Variants in GATA3 observed in about 807,000 individuals in gnomAD.
GATA3 encodes the protein GATA binding protein 3.
A neutral mutation model predicts 36.0 loss-of-function variants in GATA3; 6 were observed. That is an observed-to-expected ratio of 0.17 (90% confidence interval 0.09 to 0.33). The LOEUF (loss-of-function observed/expected upper bound fraction) is 0.33. Among genes scored for constraint, GATA3 ranks in the 10% least tolerant of loss-of-function variants. GATA3 has a pLI of 1.00. For missense variants in GATA3, 514 were observed against 610.1 expected (o/e 0.84, Z 1.66); for synonymous variants, 326 against 273.0 (o/e 1.19, Z -1.92).
At chr10:8,064,880 CT>C (rs1451774384) in intron 4 of GATA3, among the ~76,000 whole-genome samples, 1 of 152,152 alleles carries the variant, frequency 6.6e-6, no homozygotes, top group Non-Finnish European at 1.5e-5. Context: ...CTTTTAAAAA[CT>C]TTTTAAGCAT....
At position 8,046,647 on chromosome 10, in the gene GATA3, CAG is replaced by C. The variant is rs1491192730; in HGVS notation, c.-370+1133_-370+1134del. ...GATGCTTGGGGGCCCAAATGGCTGG[CAG>C]TGTGTGTGTGTGTGTGTGTGTGTGT... On this transcript the variant is annotated intron_variant, in intron 1 of 1. Transcript: ENST00000643001. 3.8e-4 allele frequency among the ~76,000 whole-genome samples: 36 copies of C among 94,058 alleles called. No homozygotes were observed. The East Asian group carries it at 7.2e-3, about 19-fold the overall frequency. The allele number at this position is 94,058 out of a possible 152,430, so 61.7% of individuals were successfully genotyped here. A position where few individuals can be genotyped will look rare whatever the true frequency, so the allele number is the denominator to read the frequency against.
At chr10:8,058,878 C>G (rs779268039) in intron 3 of GATA3, 37 bp downstream of exon 3, 7 of 1,586,680 alleles carry the variant, frequency 4.4e-6, no homozygotes, top group Non-Finnish European at 6.0e-6. Context: ...TTTTCTCCTC[C>G]CTCCTCCCCT....
intron 4 of GATA3, among the ~76,000 whole-genome samples, chr10:8,067,429 C>T (rs906483091): frequency 2.0e-5 from 3 of 152,192 alleles, no homozygotes; most frequent in Non-Finnish European, 4.4e-5. Context: ...AAGGGTCACT[C>T]AGGTTAATTC....
In GATA3 at chr10:8,074,863, T is replaced by C. The variant is rs1426939200; in HGVS notation, c.*840T>C. The C allele has an allele frequency of 1.3e-5, 3 of 233,674 alleles. No homozygotes were observed. The highest frequency in any genetic ancestry group is 5.6e-5 in the Admixed American group (1 of 17,790). 14.5% of individuals were successfully genotyped at this position (233,674 alleles called of 1,614,324 possible). A position where few individuals can be genotyped will look rare whatever the true frequency, so the allele number is the denominator to read the frequency against. On this transcript the variant is annotated 3_prime_UTR_variant, in exon 6 of 6. Coordinates refer to ENST00000379328, the MANE Select transcript of GATA3 (RefSeq NM_001002295.2). ...TTTTCCTTCTCTCTCAATTTTTGGT[T>C]GAATAAACTAGATTACATTCAGTTG...
At chr10:8,053,645 A>G (rs1008091759), upstream of GATA3, 1 of 150,996 alleles carries the variant, frequency 6.6e-6, no homozygotes, top group African/African-American at 2.4e-5. This position sits in a 1 kb window ranked among gnomAD's most constrained non-coding sequence, Gnocchi z 5.1. Flanking sequence ...CGGGGTGCCC[A>G]TTGCGCAGAG....
At chr10:8,058,170 A>G (rs1832674708) in intron 2 of GATA3, 135 bp from the exon 3 acceptor site, 1 of 930,380 alleles carries the variant, frequency 1.1e-6, no homozygotes, top group African/African-American at 1.6e-5. Context: ...CCAGGATGAG[A>G]GAGTGGGCCT....
At position 8,073,499 on chromosome 10, in the gene GATA3, G is replaced by A. The variant is rs918559749; in HGVS notation, c.1051-240G>A. Among the ~76,000 whole-genome samples the A allele has an allele frequency of 2.6e-5, 4 of 152,142 alleles. No homozygotes were observed. The South Asian group carries it at 6.2e-4, about 24-fold the overall frequency. ...AATAAGACAAGTGAATTCTATTTTC[G>A]TTACCAGAGAAATACAATCGTACTA... On this transcript the variant is annotated intron_variant, in intron 5 of 5. Transcript: ENST00000379328.
chr10:8,064,099 C>T lies in GATA3; in HGVS notation c.885C>T (p.Asn295=), dbSNP rs762872147. The change falls in exon 4 of 6, where the codon AAC becomes AAT. Residue 295 remains asparagine (N), a synonymous_variant. Transcript: ENST00000379328. ...CCTGCGGGCTCTATCACAAAATGAACGGACAGAACCGGCCCCTCATTAAGC... is the reference window on the plus strand; with the variant it reads ...CCTGCGGGCTCTATCACAAAATGAATGGACAGAACCGGCCCCTCATTAAGC... ...CNACGLYHKM[N]GQNRPLIKPK... 1.9e-5 allele frequency: 31 copies of T among 1,614,076 alleles called. No individual in the cohort carries two copies. The highest frequency in any genetic ancestry group is 8.8e-5 in the South Asian group (8 of 91,076).
chr10:8,050,212 C>T (rs1267712780), upstream of GATA3, among the ~76,000 whole-genome samples: 1 of 152,236 alleles, frequency 6.6e-6, no homozygotes, highest in Admixed American at 6.5e-5. Context: ...CGCAGGGAAT[C>T]GAATTAAACG....
rs1057224721 is a variant in GATA3, at chr10:8,072,615, G to A, written c.1051-1124G>A. Among the ~76,000 whole-genome samples the A allele has an allele frequency of 8.5e-5, 13 of 152,332 alleles. 1 individual carries two copies. The South Asian group carries it at 1.2e-3, about 15-fold the overall frequency. On this transcript the variant is annotated intron_variant, in intron 5 of 5. Coordinates refer to ENST00000379328, the MANE Select transcript of GATA3 (RefSeq NM_001002295.2). ...GAAGAGAGAAATGGCAGATGTCTCCGAGACTGAAGTCTCTTGATCTTGAGA... is the reference window on the plus strand; with the variant it reads ...GAAGAGAGAAATGGCAGATGTCTCCAAGACTGAAGTCTCTTGATCTTGAGA...
Position 8,074,263 on chromosome 10 carries a change from G to A in GATA3, c.*240G>A. On this transcript the variant is annotated 3_prime_UTR_variant, in exon 6 of 6. Coordinates refer to ENST00000379328, the MANE Select transcript of GATA3 (RefSeq NM_001002295.2). ...CTGACTCATATCCCCTATTTAACAG[G>A]GTCTCTAGTGCTGTGAAAAAAAAAA... is the stretch of plus-strand genomic sequence containing the variant. The A allele has an allele frequency of 3.7e-6, 2 of 540,002 alleles. No homozygotes were observed. Among genetic ancestry groups the A allele is most frequent in the Non-Finnish European group, 3.2e-6 (1 of 310,906 alleles). The allele number at this position is 540,002 out of a possible 1,614,324, so 33.5% of individuals were successfully genotyped here.
chr10:8,065,424 A>G (rs1832820945), intron 4 of GATA3, among the ~76,000 whole-genome samples: 1 of 151,334 alleles, frequency 6.6e-6, no homozygotes, highest in Non-Finnish European at 1.5e-5. Context: ...CACCCGGCAA[A>G]TTTTTGTATT....
rs756535371 is a variant in GATA3 at position 8,073,750 on chromosome 10, C to T, written c.1062C>T (p.Pro354=). The T allele has an allele frequency of 3.7e-6, 6 of 1,613,474 alleles. No individual in the cohort carries two copies. The highest frequency in any genetic ancestry group is 1.3e-5 in the African/African-American group (1 of 74,830). Residue 354 remains proline (P), a synonymous_variant, in exon 6 of 6, where the codon CCC becomes CCT. Coordinates refer to ENST00000379328, the MANE Select transcript of GATA3 (RefSeq NM_001002295.2). ...TGATCTTTGTTTAGATTAACAGACC[C>T]CTGACTATGAAGAAGGAAGGCATCC... is the stretch of plus-strand genomic sequence containing the variant. ...LYYKLHNINR[P]LTMKKEGIQT...
chr10:8,063,941 T>C, intron 3 of GATA3, 52 bp from the exon 4 acceptor site: 1 of 1,613,912 alleles, frequency 6.2e-7, no homozygotes, highest in South Asian at 1.1e-5. Flanking sequence ...TGCTGTCAGC[T>C]TTCCTGCGTG....
intron 2 of GATA3, among the ~76,000 whole-genome samples, chr10:8,056,838 C>T: frequency 6.6e-6 from 1 of 152,070 alleles, no homozygotes; most frequent in Admixed American, 6.6e-5. Context: ...GAAAAAAGAT[C>T]GAACACTTTC....
intron 4 of GATA3, among the ~76,000 whole-genome samples, chr10:8,067,618 A>T (rs559180883): frequency 6.6e-6 from 1 of 152,224 alleles, no homozygotes; most frequent in East Asian, 1.9e-4. Context: ...GGAGATAGAG[A>T]CCATCCTGGC....
chr10:8,059,841 A>G (rs1832718460), intron 3 of GATA3, among the ~76,000 whole-genome samples: 2 of 152,230 alleles, frequency 1.3e-5, no homozygotes, highest in Non-Finnish European at 2.9e-5. Flanking sequence ...ATTTAACTGT[A>G]TTATTAGACA....
At chr10:8,056,322 C>G (rs1166902956) in intron 2 of GATA3, among the ~76,000 whole-genome samples, 1 of 151,892 alleles carries the variant, frequency 6.6e-6, no homozygotes, top group Non-Finnish European at 1.5e-5. Context: ...TCCAAAAAAC[C>G]TGGCGTTCCC....
In GATA3 at chr10:8,074,694, A is replaced by T. The variant is rs1413813303; in HGVS notation, c.*671A>T. On this transcript the variant is annotated 3_prime_UTR_variant, in exon 6 of 6. Transcript: ENST00000379328. ...CATGCTTTGTGAACAAGTCCCTGTAATTGTTGTTTGTATGTATAATTCAAA... is the reference window on the plus strand; with the variant it reads ...CATGCTTTGTGAACAAGTCCCTGTATTTGTTGTTTGTATGTATAATTCAAA... 1 of 233,570 alleles carries T rather than the reference A, an allele frequency of 4.3e-6. No homozygotes were observed. The highest frequency in any genetic ancestry group is 2.2e-5 in the African/African-American group (1 of 45,322). The allele number at this position is 233,570 out of a possible 1,614,324, so 14.5% of individuals were successfully genotyped here.
Sources: gnomAD v4.1 joint callset for allele counts (sites outside exome capture counted in the v4.1 genomes callset) on GRCh38, gnomAD v4.1.1 for gene constraint, Gnocchi (gnomAD v3.1) non-coding constraint, MANE v1.5 for transcripts, NCBI Gene and HGNC (gene_info 2026-07-23, HGNC 2026-07-21) for gene names.